The following WDR41 variants were observed in gnomAD, a reference collection of about 807,000 sequenced individuals.
WDR41 encodes WD repeat domain 41.
In WDR41, 63 loss-of-function variants were observed where a neutral mutation model predicts 69.3. The observed-to-expected ratio is 0.91, with a 90% CI of 0.74 to 1.12. The LOEUF (loss-of-function observed/expected upper bound fraction) is 1.12. WDR41 is among the 50% of genes most tolerant of loss of function. The probability of loss-of-function intolerance (pLI) is 0.00; values close to 1 mark genes in which losing one functional copy is unlikely to be tolerated. For synonymous variants in WDR41, 185 were observed against 192.1 expected, an observed-to-expected ratio of 0.96 and a Z score of 0.31; for missense variants, 543 against 534.5, an observed-to-expected ratio of 1.02 and a Z score of -0.16.
intron 1 of WDR41, among the ~76,000 whole-genome samples, chr5:77,609,519 C>A (rs1744499274): frequency 6.6e-6 from 1 of 152,200 alleles, no homozygotes; most frequent in South Asian, 2.1e-4. Flanking sequence ...TGTTCTGCAG[C>A]CACTGCTGCT....
At chr5:77,443,101 G>A (rs951434452) in intron 8 of WDR41, among the ~76,000 whole-genome samples, 1 of 151,970 alleles carries the variant, frequency 6.6e-6, no homozygotes, top group Non-Finnish European at 1.5e-5. Flanking sequence ...CCTGTTGCTA[G>A]ACAGGTGGTC....
chr5:77,551,910 C>T (rs963545825), intron 1 of WDR41, among the ~76,000 whole-genome samples: 12 of 149,854 alleles, frequency 8.0e-5, no homozygotes, highest in Middle Eastern at 3.5e-3. Flanking sequence ...ACTAGGGAGG[C>T]GGAGGTTGCA....
intron 1 of WDR41, among the ~76,000 whole-genome samples, chr5:77,558,899 A>G (rs1259641649): frequency 6.6e-6 from 1 of 151,870 alleles, no homozygotes; most frequent in Non-Finnish European, 1.5e-5. Context: ...TTTTTTCTGT[A>G]TTTTCCAAAT....
chr5:77,603,158 G>T (rs1031555194), intron 1 of WDR41, among the ~76,000 whole-genome samples: 3 of 151,960 alleles, frequency 2.0e-5, no homozygotes, highest in Admixed American at 6.6e-5. Flanking sequence ...GGATGGTCTC[G>T]ATCTCCTGAC....
At chr5:77,486,055 T>C (rs975879842) in intron 2 of WDR41, among the ~76,000 whole-genome samples, 3 of 152,234 alleles carry the variant, frequency 2.0e-5, no homozygotes, top group Non-Finnish European at 4.4e-5. Context: ...CAATGCATAA[T>C]GTACATATGC....
intron 4 of WDR41, among the ~76,000 whole-genome samples, chr5:77,459,933 C>A (rs1371934183): frequency 6.6e-6 from 1 of 152,154 alleles, no homozygotes; most frequent in Non-Finnish European, 1.5e-5. Context: ...ATGCATTTAA[C>A]ACATCTATCA....
At chr5:77,475,417 C>G (rs1458991927) in intron 2 of WDR41, among the ~76,000 whole-genome samples, 2 of 152,204 alleles carry the variant, frequency 1.3e-5, no homozygotes, top group Non-Finnish European at 2.9e-5. Flanking sequence ...ACTTAAATGT[C>G]CCTGTCTGAT....
chr5:77,605,081 G>T (rs1744391722), intron 1 of WDR41, among the ~76,000 whole-genome samples: 2 of 152,154 alleles, frequency 1.3e-5, no homozygotes, highest in Admixed American at 6.6e-5. Context: ...TATTTTAATT[G>T]TTAACCATTC....
intron 1 of WDR41, among the ~76,000 whole-genome samples, chr5:77,522,591 G>C (rs573763365): frequency 7.9e-5 from 12 of 152,194 alleles, no homozygotes; most frequent in South Asian, 2.1e-4. Flanking sequence ...AGTGAGCCAA[G>C]ATTGCACCAC....
intron 1 of WDR41, among the ~76,000 whole-genome samples, chr5:77,617,656 T>A (rs1437884832): frequency 2.0e-5 from 3 of 152,136 alleles, no homozygotes; most frequent in African/African-American, 7.2e-5. Context: ...CCATCTACGT[T>A]TTTGGTCATA....
chr5:77,483,497 TGTGTG>T (rs1801378293), intron 2 of WDR41, among the ~76,000 whole-genome samples: 2 of 146,160 alleles, frequency 1.4e-5, no homozygotes, highest in African/African-American at 5.2e-5. Flanking sequence ...TGTGTGTGTG[TGTGTG>T]TGTGTGTGTG....
chr5:77,553,719 T>C (rs1743339455), intron 1 of WDR41, among the ~76,000 whole-genome samples: 1 of 152,170 alleles, frequency 6.6e-6, no homozygotes, highest in Admixed American at 6.5e-5. Flanking sequence ...TAGGAAACTT[T>C]AAATTAAAAC....
rs764631325 is a variant in WDR41, at chr5:77,512,331, T to TGAGAGAGAGAGAGAGAGAGAGAGA, written c.43-22760_43-22759insTCTCTCTCTCTCTCTCTCTCTCTC. Reference sequence around the variant, plus strand: ...ATGGTCTGTAATTACATGGGGTGAGTGAGAGAGAGAGAGAGAGAGAGTGAG... The same window carrying TGAGAGAGAGAGAGAGAGAGAGAGA: ...ATGGTCTGTAATTACATGGGGTGAGTGAGAGAGAGAGAGAGAGAGAGAGAGAGAGAGAGAGAGAGAGAGAGTGAG... On this transcript the variant is annotated intron_variant, in intron 1 of 5. Transcript: ENST00000509971. Among the ~76,000 whole-genome samples the TGAGAGAGAGAGAGAGAGAGAGAGA allele has an allele frequency of 4.7e-4, 41 of 87,916 alleles. 1 individual carries two copies. The highest frequency in any genetic ancestry group is 1.2e-3 in the African/African-American group (24 of 19,278). 57.7% of individuals were successfully genotyped at this position (87,916 alleles called of 152,430 possible). A position where few individuals can be genotyped will look rare whatever the true frequency, so the allele number is the denominator to read the frequency against.
At chr5:77,553,183 G>T (rs1743330388) in intron 1 of WDR41, among the ~76,000 whole-genome samples, 1 of 152,108 alleles carries the variant, frequency 6.6e-6, no homozygotes, top group Non-Finnish European at 1.5e-5. Context: ...CCTCAAACTG[G>T]GTAATTTATA....
At chr5:77,441,112 G>C (rs771014229) in intron 8 of WDR41, 115 bp from the exon 9 acceptor site, 25 of 1,081,246 alleles carry the variant, frequency 2.3e-5, no homozygotes, top group Non-Finnish European at 1.2e-5. Context: ...GAACAGTGAG[G>C]TACCTAGGCA....
chr5:77,498,044 A>C (rs1801960351), intron 1 of WDR41, among the ~76,000 whole-genome samples: 1 of 152,240 alleles, frequency 6.6e-6, no homozygotes, highest in South Asian at 2.1e-4. Context: ...AGAATAGGTA[A>C]ATTCATAGAG....
intron 1 of WDR41, among the ~76,000 whole-genome samples, chr5:77,529,987 T>C (rs911641152): frequency 2.6e-5 from 4 of 151,474 alleles, no homozygotes; most frequent in African/African-American, 9.7e-5. Flanking sequence ...ACATCTTACA[T>C]ATGTGTCATA....
At chr5:77,593,371 G>T (rs779979397) in intron 1 of WDR41, among the ~76,000 whole-genome samples, 2 of 152,048 alleles carry the variant, frequency 1.3e-5, no homozygotes, top group Admixed American at 6.6e-5. Flanking sequence ...ACTATAAGCA[G>T]CAAGAGTGGA....
At chr5:77,595,901 AT>A (rs1369077734) in intron 1 of WDR41, among the ~76,000 whole-genome samples, 3 of 151,986 alleles carry the variant, frequency 2.0e-5, no homozygotes, top group Non-Finnish European at 4.4e-5. Flanking sequence ...TGGAATGTTT[AT>A]TTTTTTCTTT....
Sources: allele counts gnomAD v4.1 joint callset (sites outside exome capture counted in the v4.1 genomes callset), GRCh38; gene constraint gnomAD v4.1.1; transcripts MANE v1.5; gene names NCBI Gene and HGNC (gene_info 2026-07-23, HGNC 2026-07-21).